Variants in IGSF9B observed in about 807,000 individuals in gnomAD.
The protein encoded by IGSF9B is protein turtle homolog B.
IGSF9B carries 48 observed loss-of-function variants against 143.7 expected under a neutral mutation model. That is an observed-to-expected ratio of 0.33 (90% confidence interval 0.26 to 0.42). IGSF9B has a LOEUF of 0.42. Ranked by LOEUF, IGSF9B falls within the 20% of genes least tolerant of loss-of-function variation. The pLI, the probability that IGSF9B is intolerant of heterozygous loss-of-function variation, is 1.00. For missense variants in IGSF9B, 1,706 were observed against 1,980.0 expected, an observed-to-expected ratio of 0.86 and a Z score of 2.63; for synonymous variants, 903 against 833.1, an observed-to-expected ratio of 1.08 and a Z score of -1.44.
At chr11:133,950,581 T>A (rs923217127) in intron 1 of IGSF9B, among the ~76,000 whole-genome samples, 2 of 152,224 alleles carry the variant, frequency 1.3e-5, no homozygotes, top group Non-Finnish European at 2.9e-5. Context: ...GATCAAGGCC[T>A]TTCACCCACT....
chr11:133,898,300 C>T lies in IGSF9B; in HGVS notation c.*10769G>A, dbSNP rs1464555181. 2 of 152,380 alleles carry T rather than the reference C, an allele frequency of 1.3e-5. No homozygotes were observed. The highest frequency in any genetic ancestry group is 2.4e-5 in the African/African-American group (1 of 41,448). The allele number at this position is 152,380 out of a possible 1,614,324, so 9.4% of individuals were successfully genotyped here. On this transcript the variant is annotated 3_prime_UTR_variant, in exon 20 of 20. Coordinates refer to ENST00000533871, the MANE Select transcript of IGSF9B (RefSeq NM_001277285.4). The stretch of plus-strand genomic sequence containing the variant: ...ACTACAGCAAGAGGCTGCCGCGCAC[C>T]GAGAGGTACAGAGTTTGTAAGGGGT...
At position 133,905,395 on chromosome 11, in the gene IGSF9B, C is replaced by T. The variant is rs910840406; in HGVS notation, c.*3674G>A. On this transcript the variant is annotated 3_prime_UTR_variant, in exon 20 of 20. Coordinates refer to ENST00000533871, the MANE Select transcript of IGSF9B (RefSeq NM_001277285.4). This position sits in a 1 kb window ranked among gnomAD's most constrained non-coding sequence, Gnocchi z 4.0. The stretch of plus-strand genomic sequence containing the variant: ...TGTTTCTCCCTAGAAGCTACTGTTT[C>T]GTCAACCTTGTCCCCCACCCCAAAT... 7.2e-5 allele frequency among the ~76,000 whole-genome samples: 11 copies of T among 151,910 alleles called. No homozygotes were observed. Among genetic ancestry groups the T allele is most frequent in the South Asian group, 4.2e-4 (2 of 4,806 alleles).
Position 133,909,312 on chromosome 11 carries a change from C to A in IGSF9B, c.4106-35G>T. On this transcript the variant is annotated intron_variant, in intron 19 of 19. Coordinates refer to ENST00000533871, the MANE Select transcript of IGSF9B (RefSeq NM_001277285.4). The surrounding 1 kb of genome is among the most constrained non-coding windows in gnomAD (Gnocchi z 4.2). ...AAGGAAGAGGGACGCAAAAGAGAAG[C>A]AAGCGGATGAAAAGGAAGCACGCAG... is the stretch of plus-strand genomic sequence containing the variant. 1 of 1,497,004 alleles carries A rather than the reference C, an allele frequency of 6.7e-7. No homozygotes were observed. Among genetic ancestry groups the A allele is most frequent in the South Asian group, 1.2e-5 (1 of 83,274 alleles). 92.7% of individuals were successfully genotyped at this position (1,497,004 alleles called of 1,614,324 possible). A position where few individuals can be genotyped will look rare whatever the true frequency, so the allele number is the denominator to read the frequency against.
chr11:133,931,346 C>A lies in IGSF9B; in HGVS notation c.1368+107G>T. The A allele has an allele frequency of 1.1e-6, 1 of 886,992 alleles. No homozygotes were observed. Among genetic ancestry groups the A allele is most frequent in the Non-Finnish European group, 1.8e-6 (1 of 571,124 alleles). 54.9% of individuals were successfully genotyped at this position (886,992 alleles called of 1,614,324 possible). ...AGAACTGCTCGCTGGGCCCTCACAC[C>A]TCCCCTCAGCCCCGGGGCTCGCTGG... On this transcript the variant is annotated intron_variant, in intron 10 of 19. Transcript: ENST00000533871. This position sits in a 1 kb window ranked among gnomAD's most constrained non-coding sequence, Gnocchi z 7.7.
intron 1 of IGSF9B, among the ~76,000 whole-genome samples, chr11:133,949,381 T>G (rs1940118477): frequency 6.6e-6 from 1 of 152,036 alleles, no homozygotes; most frequent in Non-Finnish European, 1.5e-5. Context: ...CCACAAGCAC[T>G]TCTCCCTAAG....
intron 1 of IGSF9B, among the ~76,000 whole-genome samples, chr11:133,950,355 G>A (rs1473533805): frequency 6.6e-6 from 1 of 152,200 alleles, no homozygotes; most frequent in African/African-American, 2.4e-5. Flanking sequence ...CTGCACCCTA[G>A]GCTCTGTGCT....
Position 133,916,369 on chromosome 11 carries a change from T to C in IGSF9B, c.3983+3373A>G, listed in dbSNP as rs187515970. On this transcript the variant is annotated intron_variant, in intron 18 of 19. Transcript: ENST00000533871. ...GGAAAAGAAACAGTGAGAACGCACG[T>C]GGACAAGAGCTGTCACAACTTCTCC... is the stretch of plus-strand genomic sequence containing the variant. 2.8e-3 allele frequency among the ~76,000 whole-genome samples: 422 copies of C among 152,296 alleles called. 8 individuals carry two copies. The highest frequency in any genetic ancestry group is 0.024 in the Admixed American group (370 of 15,296).
At chr11:133,923,877 G>C (rs1420304593) in intron 15 of IGSF9B, among the ~76,000 whole-genome samples, 1 of 152,236 alleles carries the variant, frequency 6.6e-6, no homozygotes, top group African/African-American at 2.4e-5. Flanking sequence ...TTGGATGCAA[G>C]CTCTCATCCC....
intron 18 of IGSF9B, among the ~76,000 whole-genome samples, chr11:133,916,900 C>T (rs898707091): frequency 2.0e-5 from 3 of 152,094 alleles, no homozygotes; most frequent in Non-Finnish European, 4.4e-5. Context: ...AGCAGGTGAG[C>T]TCATAAACGC....
In IGSF9B at chr11:133,922,790, G is replaced by T. The variant is rs1050641253; in HGVS notation, c.2120-60C>A. The T allele has an allele frequency of 3.5e-6, 5 of 1,447,682 alleles. No homozygotes were observed. In the African/African-American group the frequency reaches 4.2e-5, roughly 12 times the overall value. 89.7% of individuals were successfully genotyped at this position (1,447,682 alleles called of 1,614,324 possible). A position where few individuals can be genotyped will look rare whatever the true frequency, so the allele number is the denominator to read the frequency against. ...CCTTCCCCGGGACCTCACCTGCTCC[G>T]ACCTTCAGTCCCCAAGTGTTTCACC... On this transcript the variant is annotated intron_variant, in intron 15 of 19. Transcript: ENST00000533871.
intron 3 of IGSF9B, among the ~76,000 whole-genome samples, chr11:133,942,776 G>A (rs185393574): frequency 2.2e-4 from 33 of 152,240 alleles, no homozygotes; most frequent in African/African-American, 7.2e-4. Flanking sequence ...ACCAAAAGGC[G>A]GTGACTCAAA....
intron 7 of IGSF9B, among the ~76,000 whole-genome samples, chr11:133,933,749 CGGA>C (rs1440158863): frequency 6.6e-6 from 1 of 152,018 alleles, no homozygotes; most frequent in African/African-American, 2.4e-5. Flanking sequence ...CCCTGGCTCT[CGGA>C]GGAGCAACGA....
chr11:133,922,558 C>T lies in IGSF9B; in HGVS notation c.2281+11G>A. The T allele has an allele frequency of 1.9e-6, 3 of 1,605,984 alleles. No homozygotes were observed. The highest frequency in any genetic ancestry group is 1.3e-5 in the African/African-American group (1 of 74,942). On this transcript the variant is annotated intron_variant, in intron 16 of 19. Transcript: ENST00000533871. ...GGCCAGGGAGAGCAAGGGAAGGGGACAGACACCCACCTTTTTTGCGCTTGA... is the reference window on the plus strand; with the variant it reads ...GGCCAGGGAGAGCAAGGGAAGGGGATAGACACCCACCTTTTTTGCGCTTGA...
intron 19 of IGSF9B, among the ~76,000 whole-genome samples, chr11:133,910,817 A>T (rs992443557): frequency 6.6e-6 from 1 of 152,214 alleles, no homozygotes; most frequent in East Asian, 1.9e-4. Context: ...TATGTTATAC[A>T]TATATAAAAA....
chr11:133,942,633 G>C (rs1284759669), intron 3 of IGSF9B, among the ~76,000 whole-genome samples: 1 of 152,172 alleles, frequency 6.6e-6, no homozygotes, highest in Non-Finnish European at 1.5e-5. Context: ...ATTCAGAATA[G>C]AGCACAGTCG....
chr11:133,912,737 G>A (rs2121272170), intron 18 of IGSF9B, among the ~76,000 whole-genome samples: 1 of 152,340 alleles, frequency 6.6e-6, no homozygotes, highest in East Asian at 1.9e-4. Flanking sequence ...AGCCCTTGCT[G>A]TCTGTAACAA....
rs1939248643 is a variant in IGSF9B at position 133,908,594 on chromosome 11, T to TACAC, written c.*474_*475insGTGT. On this transcript the variant is annotated 3_prime_UTR_variant, in exon 20 of 20. Transcript: ENST00000533871. Reference sequence around the variant, plus strand: ...CTCAATGTACATATATATATATATATATACACACATAGAGAAACCCACACA... The same window carrying TACAC: ...CTCAATGTACATATATATATATATATACACATACACACATAGAGAAACCCACACA... 6.6e-6 allele frequency: 1 copy of TACAC among 152,456 alleles called. No homozygotes were observed. The highest frequency in any genetic ancestry group is 2.4e-5 in the African/African-American group (1 of 41,120). The allele number at this position is 152,456 out of a possible 1,614,324, so 9.4% of individuals were successfully genotyped here.
chr11:133,936,261 G>A (rs1304077187), intron 5 of IGSF9B, 67 bp from the exon 6 acceptor site: 4 of 1,501,434 alleles, frequency 2.7e-6, no homozygotes, highest in Non-Finnish European at 1.8e-6. Context: ...CAGGCCTCCT[G>A]GGAGCCCTCA....
intron 7 of IGSF9B, among the ~76,000 whole-genome samples, chr11:133,933,094 CT>C (rs1939763513): frequency 6.6e-6 from 1 of 152,194 alleles, no homozygotes; most frequent in South Asian, 2.1e-4. Flanking sequence ...AGCCCAGGTG[CT>C]CAGAACTTCT....
Sources: allele counts gnomAD v4.1 joint callset (sites outside exome capture counted in the v4.1 genomes callset), GRCh38; gene constraint gnomAD v4.1.1; non-coding constraint Gnocchi (gnomAD v3.1); transcripts MANE v1.5; gene names NCBI Gene and HGNC (gene_info 2026-07-23, HGNC 2026-07-21).